The following AK5 variants were observed in gnomAD, a reference collection of about 807,000 sequenced individuals.
AK5 encodes adenylate kinase isoenzyme 5.
A neutral mutation model predicts 69.5 loss-of-function variants in AK5; 27 were observed. That is an observed-to-expected ratio of 0.39 (90% CI 0.29 to 0.54). The LOEUF is 0.54. Ranked by LOEUF, AK5 falls within the 20% of genes least tolerant of loss-of-function variation. The pLI, the probability that AK5 is intolerant of heterozygous loss-of-function variation, is 0.71. For synonymous variants in AK5, 260 were observed against 244.4 expected (o/e 1.06, Z -0.60); for missense variants, 531 against 700.4 (o/e 0.76, Z 2.73).
chr1:77,423,656 C>G (rs894961548), intron 8 of AK5, among the ~76,000 whole-genome samples: 2 of 151,912 alleles, frequency 1.3e-5, no homozygotes, highest in Non-Finnish European at 2.9e-5. Flanking sequence ...GCTGGAAACA[C>G]TGAACAGTGA....
intron 8 of AK5, among the ~76,000 whole-genome samples, chr1:77,481,786 G>A (rs904196132): frequency 1.3e-5 from 2 of 152,170 alleles, no homozygotes; most frequent in Non-Finnish European, 2.9e-5. Context: ...TGACCATGCA[G>A]TCCCCTCTCT....
intron 6 of AK5, among the ~76,000 whole-genome samples, chr1:77,389,272 G>C (rs1438511112): frequency 6.6e-6 from 1 of 152,180 alleles, no homozygotes; most frequent in Admixed American, 6.5e-5. Context: ...GTGGAAATGA[G>C]GGAATAGAAA....
intron 5 of AK5, among the ~76,000 whole-genome samples, chr1:77,316,227 G>A (rs1660237372): frequency 6.6e-6 from 1 of 152,052 alleles, no homozygotes; most frequent in Admixed American, 6.6e-5. Context: ...GAAGGTTGTG[G>A]CCCTGGAGCA....
At chr1:77,438,266 G>A (rs1318897784) in intron 8 of AK5, among the ~76,000 whole-genome samples, 1 of 111,138 alleles carries the variant, frequency 9.0e-6, no homozygotes, top group African/African-American at 3.4e-5. Context: ...CTACATACCA[G>A]CATTTTGTTT....
chr1:77,557,070 C>A (rs553374535), intron 13 of AK5, among the ~76,000 whole-genome samples: 10 of 152,176 alleles, frequency 6.6e-5, no homozygotes, highest in South Asian at 2.1e-4. Flanking sequence ...TACCTCCCCC[C>A]ACATATACAC....
Position 77,297,962 on chromosome 1 carries a change from T to C in AK5, c.699+15T>C. ...TTGAGGACCAAGTAAGAATATCTCC[T>C]TATATTTTAAATGAACTACTTTTTG... On this transcript the variant is annotated intron_variant, in intron 5 of 13. Transcript: ENST00000354567. 6.4e-7 allele frequency: 1 copy of C among 1,551,550 alleles called. No homozygotes were observed. The highest frequency in any genetic ancestry group is 1.2e-5 in the South Asian group (1 of 82,968).
chr1:77,426,642 T>C (rs1651229255), intron 8 of AK5, among the ~76,000 whole-genome samples: 1 of 152,210 alleles, frequency 6.6e-6, no homozygotes, highest in South Asian at 2.1e-4. Flanking sequence ...GTCAACTGGA[T>C]ATAACTGGCA....
In AK5 at chr1:77,410,271, T is replaced by TTTG. The variant is rs905960669; in HGVS notation, c.892-692_892-690dup. Among the ~76,000 whole-genome samples, 34 of 151,676 alleles carry TTTG rather than the reference T, an allele frequency of 2.2e-4. No individual in the cohort carries two copies. The East Asian group carries it at 2.5e-3, about 11-fold the overall frequency. ...AGTATCTGAAATTTGGTTTGGAGGT[T>TTTG]TTGTTGTTGTTGTTGTTGTTTTTGG... On this transcript the variant is annotated intron_variant, in intron 6 of 13. Coordinates refer to ENST00000354567, the MANE Select transcript of AK5 (RefSeq NM_174858.3).
chr1:77,355,132 T>C (rs17100422), intron 6 of AK5, among the ~76,000 whole-genome samples: 9,178 of 152,280 alleles, frequency 0.06, 450 homozygotes, highest in East Asian at 0.2. Flanking sequence ...TACAACTGAA[T>C]GATTAATGCA....
intron 6 of AK5, among the ~76,000 whole-genome samples, chr1:77,377,042 AAT>A (rs1228160921): frequency 2.6e-5 from 4 of 152,218 alleles, no homozygotes; most frequent in African/African-American, 9.6e-5. Flanking sequence ...TACTTAAATA[AAT>A]ATGACAATAA....
At chr1:77,339,115 T>G (rs1481860223) in intron 5 of AK5, among the ~76,000 whole-genome samples, 1 of 152,258 alleles carries the variant, frequency 6.6e-6, no homozygotes, top group Non-Finnish European at 1.5e-5. Context: ...TGTATTTTCA[T>G]ATATATATTT....
chr1:77,397,852 T>C (rs961366368), intron 6 of AK5, among the ~76,000 whole-genome samples: 8 of 152,196 alleles, frequency 5.3e-5, no homozygotes, highest in Non-Finnish European at 1.2e-4. Flanking sequence ...CAGTAAGCTA[T>C]AATCATCCCA....
At chr1:77,377,881 C>A (rs1449529680) in intron 6 of AK5, among the ~76,000 whole-genome samples, 1 of 152,158 alleles carries the variant, frequency 6.6e-6, no homozygotes, top group Non-Finnish European at 1.5e-5. Context: ...TAGGAGAATG[C>A]CCAATGACTC....
At chr1:77,403,803 C>T (rs1315316555) in intron 6 of AK5, among the ~76,000 whole-genome samples, 1 of 152,150 alleles carries the variant, frequency 6.6e-6, no homozygotes, top group Non-Finnish European at 1.5e-5. Context: ...TCCATATGAA[C>T]TTTAAAGTAG....
At chr1:77,437,256 C>T (rs1603743) in intron 8 of AK5, among the ~76,000 whole-genome samples, 17,010 of 151,744 alleles carry the variant, frequency 0.11, 1,064 homozygotes, top group East Asian at 0.25. Context: ...TTAATTTTTC[C>T]CTTTAATTAA....
intron 8 of AK5, among the ~76,000 whole-genome samples, chr1:77,443,723 G>GTGTGTGTGTT (rs1652484206): frequency 6.8e-6 from 1 of 148,000 alleles, no homozygotes; most frequent in Non-Finnish European, 1.5e-5. Flanking sequence ...GTGTGTGTGT[G>GTGTGTGTGTT]TTCAACTGAA....
At chr1:77,495,742 CT>C (rs1656274971) in intron 10 of AK5, among the ~76,000 whole-genome samples, 1 of 152,114 alleles carries the variant, frequency 6.6e-6, no homozygotes, top group Non-Finnish European at 1.5e-5. Flanking sequence ...GAGATTTTCT[CT>C]GTGGGTGGGA....
At chr1:77,410,775 A>C (rs1214815583) in intron 6 of AK5, among the ~76,000 whole-genome samples, 1 of 152,176 alleles carries the variant, frequency 6.6e-6, no homozygotes, top group Non-Finnish European at 1.5e-5. Flanking sequence ...AAGTGACTGT[A>C]CATTTATTCC....
intron 5 of AK5, among the ~76,000 whole-genome samples, chr1:77,316,614 G>C (rs1660258329): frequency 6.6e-6 from 1 of 152,130 alleles, no homozygotes; most frequent in Non-Finnish European, 1.5e-5. Context: ...CCTCCTAAGG[G>C]AGAGTGATTT....
Sources: gnomAD v4.1 joint callset for allele counts (sites outside exome capture counted in the v4.1 genomes callset) on GRCh38, gnomAD v4.1.1 for gene constraint, MANE v1.5 for transcripts, NCBI Gene and HGNC (gene_info 2026-07-23, HGNC 2026-07-21) for gene names.